Variants in NKAIN3 observed in about 807,000 individuals in gnomAD.
NKAIN3 encodes sodium/potassium transporting ATPase interacting 3.
Under a neutral mutation model 30.2 loss-of-function variants are expected in NKAIN3, and 25 were observed. That is an observed-to-expected ratio of 0.83 (90% CI 0.60 to 1.16). The LOEUF is 1.16. Ranked by LOEUF, NKAIN3 falls within the 50% of genes most tolerant of loss-of-function variation. The pLI is 0.00. For missense variants in NKAIN3, 225 were observed against 254.1 expected, an observed-to-expected ratio of 0.89 and a Z score of 0.78; for synonymous variants, 91 against 89.6, an observed-to-expected ratio of 1.02 and a Z score of -0.09.
chr8:62,898,989 T>G lies in NKAIN3; in HGVS notation c.472-19464T>G, dbSNP rs1250424445. Among the ~76,000 whole-genome samples, 6 of 152,288 alleles carry G rather than the reference T, an allele frequency of 3.9e-5. No homozygotes were observed. The South Asian group carries it at 8.3e-4, about 21-fold the overall frequency. On this transcript the variant is annotated intron_variant, in intron 4 of 6. Coordinates refer to ENST00000623646, the MANE Select transcript of NKAIN3 (RefSeq NM_001304533.3). ...TAGACATATGAAAAAGTGTTCAACA[T>G]CATTGATCATCAGAGAAATGCAAAT... is the stretch of plus-strand genomic sequence containing the variant.
At chr8:62,618,276 G>C (rs1475138111) in intron 3 of NKAIN3, among the ~76,000 whole-genome samples, 2 of 152,192 alleles carry the variant, frequency 1.3e-5, no homozygotes, top group East Asian at 3.9e-4. Context: ...GCTAAAGTGA[G>C]AGTCAAATTT....
At chr8:62,664,587 T>C (rs1314818417) in intron 3 of NKAIN3, among the ~76,000 whole-genome samples, 2 of 152,168 alleles carry the variant, frequency 1.3e-5, no homozygotes, top group African/African-American at 4.8e-5. Context: ...AGCCCTGGAA[T>C]CCTGATATTA....
chr8:62,432,325 T>C (rs546787226), intron 1 of NKAIN3, among the ~76,000 whole-genome samples: 91 of 152,198 alleles, frequency 6.0e-4, no homozygotes, highest in African/African-American at 2.1e-3. Flanking sequence ...AAGAACTCTT[T>C]TATAATTTGG....
intron 4 of NKAIN3, among the ~76,000 whole-genome samples, chr8:62,875,955 A>G (rs1374581216): frequency 2.0e-5 from 3 of 152,214 alleles, no homozygotes; most frequent in African/African-American, 7.2e-5. Flanking sequence ...AGCAATTGCA[A>G]CAAAAGCCAA....
intron 1 of NKAIN3, among the ~76,000 whole-genome samples, chr8:62,292,233 A>G (rs778957156): frequency 2.6e-5 from 4 of 152,188 alleles, no homozygotes; most frequent in Non-Finnish European, 5.9e-5. Flanking sequence ...AAGCCCATTT[A>G]CATTTAAGTT....
intron 1 of NKAIN3, among the ~76,000 whole-genome samples, chr8:62,284,782 CA>C (rs140765542): frequency 4.7e-5 from 7 of 150,378 alleles, no homozygotes; most frequent in Admixed American, 1.3e-4. Context: ...AATTGAGATG[CA>C]AAAAAAAACT....
intron 4 of NKAIN3, among the ~76,000 whole-genome samples, chr8:62,839,833 C>T (rs574504234): frequency 6.6e-5 from 10 of 152,054 alleles, no homozygotes; most frequent in South Asian, 2.1e-4. Flanking sequence ...TGGCTGGTCT[C>T]GAACTCAGGC....
intron 5 of NKAIN3, among the ~76,000 whole-genome samples, chr8:62,953,305 A>G (rs1464052146): frequency 1.3e-5 from 2 of 152,190 alleles, no homozygotes; most frequent in Admixed American, 6.6e-5. Flanking sequence ...GAATTGGGAG[A>G]AGAAAAGATT....
intron 3 of NKAIN3, among the ~76,000 whole-genome samples, chr8:62,655,772 G>C (rs1444005156): frequency 6.6e-6 from 1 of 152,034 alleles, no homozygotes; most frequent in Non-Finnish European, 1.5e-5. Context: ...ATTCAGGAAG[G>C]GGATGATGAT....
intron 4 of NKAIN3, among the ~76,000 whole-genome samples, chr8:62,867,305 C>T (rs530707908): frequency 6.6e-6 from 1 of 151,960 alleles, no homozygotes; most frequent in Non-Finnish European, 1.5e-5. Flanking sequence ...TTCTTCTTTA[C>T]GAATTGAAAA....
At position 62,978,470 on chromosome 8, in the gene NKAIN3, T is replaced by C. The variant is rs577369269; in HGVS notation, c.*13063T>C. 1 of 152,334 alleles carries C rather than the reference T, an allele frequency of 6.6e-6. No individual in the cohort carries two copies. The highest frequency in any genetic ancestry group is 1.5e-5 in the Non-Finnish European group (1 of 68,156). 9.4% of individuals were successfully genotyped at this position (152,334 alleles called of 1,614,324 possible). On this transcript the variant is annotated 3_prime_UTR_variant, in exon 7 of 7. Transcript: ENST00000623646. ...CTTCAGTGGCTTTGCAGCGCTGCAG[T>C]GGGCTCCACTCAGACTGAACTTCCT...
intron 3 of NKAIN3, among the ~76,000 whole-genome samples, chr8:62,710,972 CTG>C (rs1389985402): frequency 6.6e-6 from 1 of 152,204 alleles, no homozygotes; most frequent in East Asian, 1.9e-4. Context: ...TTTGAAAAGA[CTG>C]TATCTTTCCT....
chr8:62,925,753 G>A (rs953859640), intron 5 of NKAIN3, among the ~76,000 whole-genome samples: 2 of 152,132 alleles, frequency 1.3e-5, no homozygotes, highest in South Asian at 2.1e-4. Flanking sequence ...TGATTTCAAC[G>A]TGTGATCAGG....
rs527259425 is a variant in NKAIN3 at position 62,706,186 on chromosome 8, G to A, written c.274-40746G>A. On this transcript the variant is annotated intron_variant, in intron 3 of 6. Coordinates refer to ENST00000623646, the MANE Select transcript of NKAIN3 (RefSeq NM_001304533.3). ...CTCCAAGTAGAAGAAAGAGCTGGGG[G>A]TGTTTGCATTCAGTATTCAGTATGC... is the stretch of plus-strand genomic sequence containing the variant. Among the ~76,000 whole-genome samples the A allele has an allele frequency of 3.9e-5, 6 of 152,194 alleles. No individual in the cohort carries two copies. The South Asian group carries it at 1.2e-3, about 32-fold the overall frequency.
At chr8:62,447,894 A>G (rs1396846159) in intron 1 of NKAIN3, among the ~76,000 whole-genome samples, 1 of 151,986 alleles carries the variant, frequency 6.6e-6, no homozygotes, top group Non-Finnish European at 1.5e-5. Context: ...TAGGTGGGAA[A>G]CTGTTTAGAT....
chr8:62,587,191 G>T (rs534043477), intron 2 of NKAIN3, among the ~76,000 whole-genome samples: 1 of 151,784 alleles, frequency 6.6e-6, no homozygotes, highest in African/African-American at 2.4e-5. Flanking sequence ...TTATACTCAT[G>T]ATCAGATTTG....
At chr8:62,535,032 T>G (rs73683328) in intron 1 of NKAIN3, among the ~76,000 whole-genome samples, 6,713 of 152,172 alleles carry the variant, frequency 0.044, 493 homozygotes, top group African/African-American at 0.15. Flanking sequence ...TTTATGAGCA[T>G]TATTTATAAA....
chr8:62,424,045 A>G (rs1804726740), intron 1 of NKAIN3, among the ~76,000 whole-genome samples: 1 of 151,974 alleles, frequency 6.6e-6, no homozygotes, highest in Non-Finnish European at 1.5e-5. Flanking sequence ...CTTCACCCAA[A>G]AATCACATTC....
Position 62,979,681 on chromosome 8 carries a change from T to C in NKAIN3, c.*14274T>C, listed in dbSNP as rs1824030413. On this transcript the variant is annotated 3_prime_UTR_variant, in exon 7 of 7. Coordinates refer to ENST00000623646, the MANE Select transcript of NKAIN3 (RefSeq NM_001304533.3). The stretch of plus-strand genomic sequence containing the variant: ...AGGAGATTGAGGCTGGTAGTTACAG[T>C]GGTTTTGCTTCATGTCCCATCCCAC... 1 of 152,224 alleles carries C rather than the reference T, an allele frequency of 6.6e-6. No homozygotes were observed. Among genetic ancestry groups the C allele is most frequent in the South Asian group, 2.1e-4 (1 of 4,830 alleles). 9.4% of individuals were successfully genotyped at this position (152,224 alleles called of 1,614,324 possible).
Sources: allele counts gnomAD v4.1 joint callset (sites outside exome capture counted in the v4.1 genomes callset), GRCh38; gene constraint gnomAD v4.1.1; transcripts MANE v1.5; gene names NCBI Gene and HGNC (gene_info 2026-07-23, HGNC 2026-07-21).